PRDM11: variants seen among roughly 807,000 people sequenced by gnomAD.
The protein encoded by PRDM11 is PR/SET domain 11.
A neutral mutation model predicts 97.8 loss-of-function variants in PRDM11; 20 were observed. That is an observed-to-expected ratio of 0.20 (90% CI 0.14 to 0.30). PRDM11 has a LOEUF of 0.30. Ranked by LOEUF, PRDM11 falls within the 10% of genes least tolerant of loss-of-function variation. The probability of loss-of-function intolerance (pLI) is 1.00; values close to 1 mark genes in which losing one functional copy is unlikely to be tolerated. For missense variants in PRDM11, 1,139 were observed against 1,555.2 expected, an observed-to-expected ratio of 0.73 and a Z score of 4.50; for synonymous variants, 599 against 637.7, an observed-to-expected ratio of 0.94 and a Z score of 0.91.
At chr11:45,166,612 G>A (rs1196281225) in intron 1 of PRDM11, among the ~76,000 whole-genome samples, 1 of 152,266 alleles carries the variant, frequency 6.6e-6, no homozygotes, top group Non-Finnish European at 1.5e-5. Flanking sequence ...TGGCGACCTT[G>A]TTCACCCATG....
chr11:45,171,644 T>G (rs10769122), intron 1 of PRDM11, among the ~76,000 whole-genome samples: 152,310 of 152,310 alleles, frequency 1, 76,155 homozygotes, highest in Non-Finnish European at 1. Context: ...GCTGGGCCCA[T>G]CTGGAATGGG....
chr11:45,171,410 A>C (rs1346456011), intron 1 of PRDM11, among the ~76,000 whole-genome samples: 1 of 151,978 alleles, frequency 6.6e-6, no homozygotes, highest in Non-Finnish European at 1.5e-5. Flanking sequence ...GGTTATGTGG[A>C]TTTTTTAAAG....
chr11:45,202,606 G>T (rs896014237), intron 4 of PRDM11, among the ~76,000 whole-genome samples: 3 of 152,204 alleles, frequency 2.0e-5, no homozygotes, highest in African/African-American at 4.8e-5. Context: ...TCTTTGAAAA[G>T]TCCTTGTGTC....
At chr11:45,215,503 C>T (rs1323230016) in intron 5 of PRDM11, among the ~76,000 whole-genome samples, 1 of 152,204 alleles carries the variant, frequency 6.6e-6, no homozygotes, top group Non-Finnish European at 1.5e-5. Flanking sequence ...CAGTGACTGG[C>T]TGGCTGCTCT....
At chr11:45,180,730 G>T (rs1458558357) in intron 1 of PRDM11, among the ~76,000 whole-genome samples, 1 of 149,954 alleles carries the variant, frequency 6.7e-6, no homozygotes, top group African/African-American at 2.4e-5. Flanking sequence ...GCTCCCCGCC[G>T]GGAAGGCTGG....
chr11:45,136,561 A>C (rs1021591498), intron 1 of PRDM11, among the ~76,000 whole-genome samples: 1 of 152,240 alleles, frequency 6.6e-6, no homozygotes, highest in Admixed American at 6.5e-5. Context: ...GCACTGGAAC[A>C]CAGAAAGCCA....
chr11:45,226,120 G>T lies in PRDM11; in HGVS notation c.1495G>T (p.Ala499Ser). ...GGATGAGCCCTCCAAGATGTCATCGGCCACCGGGCGCCGAATCCGGCGCTT... is the reference window on the plus strand; with the variant it reads ...GGATGAGCCCTCCAAGATGTCATCGTCCACCGGGCGCCGAATCCGGCGCTT... ...ATDEPSKMSSATGRRIRRFKQ... is the reference protein window; with the variant it reads ...ATDEPSKMSSSTGRRIRRFKQ... Residue 499 changes from alanine (A) to serine (S), a missense_variant, in exon 8 of 8, where the codon GCC becomes TCC. Ala to Ser is a moderately conservative substitution (Grantham distance 99, BLOSUM62 1). Around this residue, in one of 2 missense-constraint regions of PRDM11, gnomAD observed 710 missense variants for 1,044.9 expected, o/e 0.68. Coordinates refer to ENST00000683152, the MANE Select transcript of PRDM11 (RefSeq NM_001384648.1). 1.3e-6 allele frequency: 2 copies of T among 1,533,148 alleles called. No individual in the cohort carries two copies. The highest frequency in any genetic ancestry group is 1.7e-6 in the Non-Finnish European group (2 of 1,146,020). The allele number at this position is 1,533,148 out of a possible 1,614,324, so 95.0% of individuals were successfully genotyped here. A position where few individuals can be genotyped will look rare whatever the true frequency, so the allele number is the denominator to read the frequency against.
At chr11:45,201,382 C>T (rs1180837832) in intron 4 of PRDM11, among the ~76,000 whole-genome samples, 2 of 152,142 alleles carry the variant, frequency 1.3e-5, no homozygotes, top group Admixed American at 6.5e-5. Flanking sequence ...TCCAGCATAG[C>T]ACTCATTTCA....
intron 5 of PRDM11, among the ~76,000 whole-genome samples, chr11:45,210,357 C>T (rs948235580): frequency 1.6e-4 from 24 of 152,228 alleles, no homozygotes; most frequent in African/African-American, 5.3e-4. Flanking sequence ...CCCCAGCGGC[C>T]GAGGCGGGTG....
intron 1 of PRDM11, among the ~76,000 whole-genome samples, chr11:45,105,591 C>T (rs1282657702): frequency 1.3e-5 from 2 of 152,268 alleles, no homozygotes; most frequent in Non-Finnish European, 2.9e-5. Flanking sequence ...TCCCTCCAGC[C>T]GTGGTGACAG....
At chr11:45,209,035 C>T (rs780615528) in intron 5 of PRDM11, 2 of 456,666 alleles carry the variant, frequency 4.4e-6, no homozygotes, top group South Asian at 3.1e-5. Context: ...GAAGGCATAG[C>T]CCGGAAAATC....
At chr11:45,100,290 G>T (rs1288115658) in intron 1 of PRDM11, among the ~76,000 whole-genome samples, 2 of 152,174 alleles carry the variant, frequency 1.3e-5, no homozygotes, top group Admixed American at 1.3e-4. Context: ...GTACCTTTCA[G>T]AACCTTGTCC....
chr11:45,208,652 C>A (rs1382575760), intron 5 of PRDM11, among the ~76,000 whole-genome samples: 1 of 152,118 alleles, frequency 6.6e-6, no homozygotes, highest in Non-Finnish European at 1.5e-5. Flanking sequence ...AGGCCTTCGA[C>A]TCTGAGTTCA....
chr11:45,135,459 C>T (rs536340326), intron 1 of PRDM11, among the ~76,000 whole-genome samples: 2 of 152,180 alleles, frequency 1.3e-5, no homozygotes, highest in South Asian at 2.1e-4. Flanking sequence ...AGTAAGATAG[C>T]TGGTCAGAAT....
At chr11:45,164,192 T>G (rs1228657809) in intron 1 of PRDM11, among the ~76,000 whole-genome samples, 1 of 151,948 alleles carries the variant, frequency 6.6e-6, no homozygotes, top group East Asian at 1.9e-4. Flanking sequence ...CCCGGTGGAG[T>G]GTATCCAGCA....
chr11:45,213,499 G>A (rs779633580), intron 5 of PRDM11: 13 of 456,290 alleles, frequency 2.8e-5, no homozygotes, highest in Non-Finnish European at 4.0e-5. Flanking sequence ...CCTTCAGGGA[G>A]GGGTCTACCC....
chr11:45,182,613 G>GA (rs1852550946), intron 3 of PRDM11, among the ~76,000 whole-genome samples: 1 of 152,192 alleles, frequency 6.6e-6, no homozygotes, highest in Non-Finnish European at 1.5e-5. Context: ...GTTGCACTTG[G>GA]ACTCCAAAGC....
At position 45,224,708 on chromosome 11, in the gene PRDM11, C is replaced by T. The variant is rs759918785; in HGVS notation, c.1234C>T (p.Pro412Ser). 2.5e-6 allele frequency: 4 copies of T among 1,613,974 alleles called. No individual in the cohort carries two copies. The highest frequency in any genetic ancestry group is 3.3e-5 in the Admixed American group (2 of 59,998). The change falls in exon 7 of 8, where the codon CCT becomes TCT. Residue 412 changes from proline to serine, a missense_variant. Transcript: ENST00000683152. ...TGAACTTCCCACCACCTCTTTTTGCCCTAACTGTATTCGCCTAAAGAAGAA... is the reference window on the plus strand; with the variant it reads ...TGAACTTCCCACCACCTCTTTTTGCTCTAACTGTATTCGCCTAAAGAAGAA... ...PHELPTTSFC[P>S]NCIRLKKKVR...
In PRDM11 at chr11:45,228,196, AT is replaced by A; in HGVS notation, c.*44del. ...TGCAGAGTTCACTAAGCTGTTGAAT[AT>A]TTTTTTAATCTATACTCATAAGCTT... On this transcript the variant is annotated 3_prime_UTR_variant, in exon 8 of 8. Transcript: ENST00000683152. The A allele has an allele frequency of 4.2e-6, 6 of 1,419,354 alleles. No homozygotes were observed. The highest frequency in any genetic ancestry group is 2.5e-5 in the East Asian group (1 of 39,254). The allele number at this position is 1,419,354 out of a possible 1,614,324, so 87.9% of individuals were successfully genotyped here. A position where few individuals can be genotyped will look rare whatever the true frequency, so the allele number is the denominator to read the frequency against.
Sources: allele counts gnomAD v4.1 joint callset (sites outside exome capture counted in the v4.1 genomes callset), GRCh38; gene constraint gnomAD v4.1.1; regional missense constraint gnomAD v4.1.1; transcripts MANE v1.5; gene names NCBI Gene and HGNC (gene_info 2026-07-23, HGNC 2026-07-21).